WASF1: variants seen among roughly 807,000 people sequenced by gnomAD.
WASF1 encodes actin-binding protein WASF1.
WASF1 carries 7 observed loss-of-function variants against 50.5 expected under a neutral mutation model. The observed-to-expected ratio is 0.14, with a 90% CI of 0.08 to 0.26. WASF1 has a LOEUF of 0.26. Among genes scored for constraint, WASF1 ranks in the 10% least tolerant of loss-of-function variants. The probability of loss-of-function intolerance (pLI) is 1.00; values close to 1 mark genes in which losing one functional copy is unlikely to be tolerated. For synonymous variants in WASF1, 205 were observed against 244.0 expected (o/e 0.84, Z 1.49); for missense variants, 470 against 694.7 (o/e 0.68, Z 3.64).
chr6:110,169,608 A>G (rs1214028235), intron 2 of WASF1, among the ~76,000 whole-genome samples: 1 of 152,024 alleles, frequency 6.6e-6, no homozygotes, highest in Non-Finnish European at 1.5e-5. Flanking sequence ...AGTCCCCAAC[A>G]CTCACCTCCA....
chr6:110,160,297 T>C (rs1044101924), intron 3 of WASF1, among the ~76,000 whole-genome samples: 4 of 151,864 alleles, frequency 2.6e-5, no homozygotes, highest in Admixed American at 1.3e-4. Context: ...AGAGCACTTA[T>C]AATTTACCAC....
intron 3 of WASF1, among the ~76,000 whole-genome samples, chr6:110,158,540 C>G (rs1360993582): frequency 7.6e-6 from 1 of 130,812 alleles, no homozygotes; most frequent in Admixed American, 7.1e-5. Context: ...GAAGAGGATC[C>G]TATTCGGCCA....
chr6:110,111,122 CTAAA>C (rs1773535788), intron 5 of WASF1, among the ~76,000 whole-genome samples: 1 of 151,938 alleles, frequency 6.6e-6, no homozygotes, highest in Non-Finnish European at 1.5e-5. Context: ...TATTTTGAAA[CTAAA>C]TGTTGATTTT....
chr6:110,144,942 G>A (rs1047168117), intron 3 of WASF1, among the ~76,000 whole-genome samples: 1 of 152,064 alleles, frequency 6.6e-6, no homozygotes, highest in Non-Finnish European at 1.5e-5. Context: ...GGCGATGCGG[G>A]CTCTTTTTTG....
chr6:110,113,613 C>G (rs1414566760), intron 4 of WASF1, among the ~76,000 whole-genome samples, 153 bp from the exon 5 acceptor site: 1 of 151,982 alleles, frequency 6.6e-6, no homozygotes, highest in East Asian at 1.9e-4. Flanking sequence ...AACTGGTGAC[C>G]TGTTGAATTT....
intron 3 of WASF1, among the ~76,000 whole-genome samples, chr6:110,149,410 C>A (rs1227515206): frequency 6.6e-6 from 1 of 150,764 alleles, no homozygotes; most frequent in Non-Finnish European, 1.5e-5. Flanking sequence ...ATTTCACCTT[C>A]CAATGCCCCA....
intron 2 of WASF1, among the ~76,000 whole-genome samples, chr6:110,175,763 C>T (rs1005802621): frequency 1.3e-5 from 2 of 152,122 alleles, no homozygotes; most frequent in African/African-American, 4.8e-5. Context: ...CTCTTCAAGT[C>T]CACTGGGTGA....
chr6:110,113,366 T>C lies in WASF1; in HGVS notation c.228A>G (p.Leu76=). 6.2e-7 allele frequency: 1 copy of C among 1,604,738 alleles called. No homozygotes were observed. The highest frequency in any genetic ancestry group is 8.5e-7 in the Non-Finnish European group (1 of 1,176,162). The change falls in exon 5 of 11, where the codon TTA becomes TTG. Residue 76 remains leucine (L), a synonymous_variant. Coordinates refer to ENST00000392589, the MANE Select transcript of WASF1 (RefSeq NM_003931.3). ...GATCAAGCTGTGTAACACTAACAGA[T>C]AAACGGTCCACACGTTCTTGCAATG... ...VNSLQERVDR[L]SVSVTQLDPK... is the part of the protein sequence containing the mutation.
At chr6:110,105,617 G>A (rs1191882330) in intron 7 of WASF1, 38 bp from the exon 8 acceptor site, 1 of 1,591,430 alleles carries the variant, frequency 6.3e-7, no homozygotes, top group Non-Finnish European at 8.6e-7. Flanking sequence ...AAATGCTTAA[G>A]CGCTAATTTT....
chr6:110,161,941 A>G (rs1360471835), intron 2 of WASF1, among the ~76,000 whole-genome samples: 3 of 151,532 alleles, frequency 2.0e-5, no homozygotes, highest in Non-Finnish European at 4.4e-5. Flanking sequence ...AACACAAAAC[A>G]AAATGGAGGA....
At chr6:110,142,567 T>C (rs187945548) in intron 3 of WASF1, among the ~76,000 whole-genome samples, 1 of 152,158 alleles carries the variant, frequency 6.6e-6, no homozygotes, top group Non-Finnish European at 1.5e-5. Flanking sequence ...ATTCCCATTT[T>C]AGAGCAATCC....
At chr6:110,113,558 A>G in intron 4 of WASF1, 98 bp from the exon 5 acceptor site, 1 of 1,105,728 alleles carries the variant, frequency 9.0e-7, no homozygotes, top group South Asian at 1.8e-5. Context: ...ATTTGCCCTC[A>G]GATACTTTGT....
rs148630287 is a variant in WASF1 at position 110,165,813 on chromosome 6, A to C, written c.-126-5081T>G. 2.1e-3 allele frequency among the ~76,000 whole-genome samples: 323 copies of C among 151,814 alleles called. 3 individuals are homozygous for C. The highest frequency in any genetic ancestry group is 7.5e-3 in the African/African-American group (312 of 41,506). On this transcript the variant is annotated intron_variant, in intron 2 of 10. Transcript: ENST00000392589. Reference sequence around the variant, plus strand: ...CTGCATATTTTGGTATCACCCCTGAACTTCTGAATCAGAATCTGCTTTTTA... The same window carrying C: ...CTGCATATTTTGGTATCACCCCTGACCTTCTGAATCAGAATCTGCTTTTTA...
intron 2 of WASF1, among the ~76,000 whole-genome samples, chr6:110,174,495 T>C (rs546154768): frequency 4.6e-5 from 7 of 152,246 alleles, no homozygotes; most frequent in African/African-American, 1.7e-4. Flanking sequence ...ATTGTTATTA[T>C]CAAGTTATTA....
intron 3 of WASF1, among the ~76,000 whole-genome samples, chr6:110,130,719 C>T (rs1166922688): frequency 6.6e-6 from 1 of 152,174 alleles, no homozygotes; most frequent in African/African-American, 2.4e-5. Context: ...TGTGAATATA[C>T]TTCAGGACAA....
In WASF1 at chr6:110,123,089, T is replaced by G. The variant is rs960704417; in HGVS notation, c.133+4380A>C. On this transcript the variant is annotated intron_variant, in intron 4 of 10. Coordinates refer to ENST00000392589, the MANE Select transcript of WASF1 (RefSeq NM_003931.3). ...CCACCTGATGAGGGTTAGAGAAGAT[T>G]ATGATGTAAAGGTATATGCAAATAA... Among the ~76,000 whole-genome samples the G allele has an allele frequency of 1.1e-4, 16 of 152,328 alleles. No homozygotes were observed. In the East Asian group the frequency reaches 1.3e-3, roughly 13 times the overall value.
chr6:110,117,460 TA>T (rs914912107), intron 4 of WASF1, among the ~76,000 whole-genome samples: 18 of 151,570 alleles, frequency 1.2e-4, no homozygotes. Context: ...AAAGATCAGA[TA>T]AAAAAAGAGT....
intron 2 of WASF1, among the ~76,000 whole-genome samples, chr6:110,170,829 C>T (rs535312054): frequency 2.0e-5 from 3 of 151,984 alleles, no homozygotes; most frequent in South Asian, 2.1e-4. Flanking sequence ...GGTTTCTGAG[C>T]GAGGGAAATT....
At chr6:110,114,110 T>C (rs776436820) in intron 4 of WASF1, among the ~76,000 whole-genome samples, 2 of 152,236 alleles carry the variant, frequency 1.3e-5, no homozygotes, top group Non-Finnish European at 2.9e-5. Flanking sequence ...GCTCTAGTGT[T>C]GTTACTATCC....
Sources: allele counts gnomAD v4.1 joint callset (sites outside exome capture counted in the v4.1 genomes callset), GRCh38; gene constraint gnomAD v4.1.1; transcripts MANE v1.5; gene names NCBI Gene and HGNC (gene_info 2026-07-23, HGNC 2026-07-21).